Variants in TCN2 observed in about 807,000 individuals in gnomAD.
TCN2 encodes transcobalamin 2, also known as transcobalamin-2.
TCN2 carries 34 observed loss-of-function variants against 48.6 expected under a neutral mutation model. The observed-to-expected ratio is 0.70, with a 90% confidence interval of 0.53 to 0.93. The LOEUF is 0.93. TCN2 is among the 40% of genes least tolerant of loss of function. The probability of loss-of-function intolerance (pLI) is 0.00; values close to 1 mark genes in which losing one functional copy is unlikely to be tolerated. For synonymous variants in TCN2, 283 were observed against 212.5 expected (o/e 1.33, Z -2.89); for missense variants, 652 against 526.1 (o/e 1.24, Z -2.34).
intron 4 of TCN2, among the ~76,000 whole-genome samples, chr22:30,615,030 C>T (rs140553946): frequency 3.3e-5 from 5 of 152,328 alleles, no homozygotes; most frequent in South Asian, 2.1e-4. Context: ...TTCTCCCTAA[C>T]CTCTAGCCCT....
rs2087758614 is a variant in TCN2, at chr22:30,623,965, C to CACACATATGTATACATATAT, written c.1222+887_1222+888insTATGTATACATATATACACA. ...ACACACACATATGTATACATATATACACACACATATATATGTATACATATA... is the reference window on the plus strand; with the variant it reads ...ACACACACATATGTATACATATATACACACATATGTATACATATATACACACATATATATGTATACATATA... On this transcript the variant is annotated intron_variant, in intron 8 of 8. Coordinates refer to ENST00000215838, the MANE Select transcript of TCN2 (RefSeq NM_000355.4). Among the ~76,000 whole-genome samples the CACACATATGTATACATATAT allele has an allele frequency of 4.9e-4, 9 of 18,554 alleles. 4 individuals carry two copies. The highest frequency in any genetic ancestry group is 1.1e-3 in the African/African-American group (2 of 1,784). 12.2% of individuals were successfully genotyped at this position (18,554 alleles called of 152,430 possible).
Position 30,626,522 on chromosome 22 carries a change from C to T in TCN2, c.*1C>T. ...TGAGCTGAGGCTGGTTAGCTGGTAG[C>T]CCCTGAGCTCCCTCATCCCAGCAGC... On this transcript the variant is annotated 3_prime_UTR_variant, in exon 9 of 9. Coordinates refer to ENST00000215838, the MANE Select transcript of TCN2 (RefSeq NM_000355.4). The T allele has an allele frequency of 6.2e-7, 1 of 1,614,038 alleles. No homozygotes were observed. The highest frequency in any genetic ancestry group is 1.1e-5 in the South Asian group (1 of 91,088).
chr22:30,615,191 C>T, intron 4 of TCN2, 110 bp from the exon 5 acceptor site: 1 of 1,198,748 alleles, frequency 8.3e-7, no homozygotes, highest in Non-Finnish European at 1.2e-6. Context: ...CCTTCTTCTC[C>T]AAGCCCTCCT....
At chr22:30,624,080 A>T (rs190673036) in intron 8 of TCN2, among the ~76,000 whole-genome samples, 4,779 of 41,286 alleles carry the variant, frequency 0.12, 1,508 homozygotes, top group East Asian at 0.19. Context: ...ATATATATAT[A>T]TTTTTTTTTT....
intron 3 of TCN2, 24 bp from the exon 4 acceptor site, chr22:30,614,325 C>T: frequency 6.2e-7 from 1 of 1,613,372 alleles, no homozygotes; most frequent in Non-Finnish European, 8.5e-7. Context: ...AGAGAGGCAA[C>T]CCCTCTGTTT....
Position 30,615,465 on chromosome 22 carries a change from G to A in TCN2, c.745G>A (p.Ala249Thr). The A allele has an allele frequency of 6.2e-7, 1 of 1,614,132 alleles. No individual in the cohort carries two copies. Among genetic ancestry groups the A allele is most frequent in the Non-Finnish European group, 8.5e-7 (1 of 1,180,016 alleles). Residue 249 changes from alanine (A) to threonine (T), a missense_variant, in exon 5 of 9, where the codon GCA becomes ACA. Coordinates refer to ENST00000215838, the MANE Select transcript of TCN2 (RefSeq NM_000355.4). ...HFGNVYSTPL[A>T]LQFLMTSPMR... is the part of the protein sequence containing the mutation. ...TGGGAATGTCTACAGCACCCCATTG[G>A]CATTACAGGTGGGAAAGAGACCCTG...
intron 8 of TCN2, among the ~76,000 whole-genome samples, chr22:30,623,983 TAC>T (rs1569047062): frequency 2.2e-4 from 25 of 116,120 alleles, no homozygotes; most frequent in Non-Finnish European, 3.4e-4. Context: ...TATATATGTA[TAC>T]ATATATACAC....
Position 30,607,191 on chromosome 22 carries a change from T to G in TCN2, c.-141T>G. ...ACCCCTCTGCAGACTTAGCCGTGCA[T>G]TGCAGGCATGGAGGATTAATCAGTG... On this transcript the variant is annotated 5_prime_UTR_variant, in exon 1 of 9. Transcript: ENST00000215838. The G allele has an allele frequency of 1.3e-6, 1 of 782,674 alleles. No individual in the cohort carries two copies. 48.5% of individuals were successfully genotyped at this position (782,674 alleles called of 1,614,324 possible).
At chr22:30,614,892 G>A (rs1450443999) in intron 4 of TCN2, among the ~76,000 whole-genome samples, 1 of 152,064 alleles carries the variant, frequency 6.6e-6, no homozygotes. Flanking sequence ...CTGGGCAACA[G>A]AGTGAGTGAG....
chr22:30,617,632 C>G (rs563369701), intron 7 of TCN2, 137 bp downstream of exon 7: 10 of 1,178,834 alleles, frequency 8.5e-6, no homozygotes, highest in African/African-American at 1.5e-5. Flanking sequence ...ACCTGCTCAG[C>G]TCCTTTCTTG....
At chr22:30,618,813 A>T (rs2087654284) in intron 7 of TCN2, among the ~76,000 whole-genome samples, 1 of 152,154 alleles carries the variant, frequency 6.6e-6, no homozygotes, top group Non-Finnish European at 1.5e-5. Context: ...TCTGTCGCCC[A>T]GACTGGGTTG....
intron 6 of TCN2, among the ~76,000 whole-genome samples, chr22:30,616,543 A>G (rs1265805062): frequency 6.6e-6 from 1 of 151,282 alleles, no homozygotes; most frequent in Admixed American, 6.6e-5. Context: ...GCTCGTGCTT[A>G]TAATCCTAGC....
Position 30,623,993 on chromosome 22 carries a change from C to T in TCN2, c.1222+910C>T, listed in dbSNP as rs867795164. On this transcript the variant is annotated intron_variant, in intron 8 of 8. Coordinates refer to ENST00000215838, the MANE Select transcript of TCN2 (RefSeq NM_000355.4). ...ACACATATATATGTATACATATATA[C>T]ACACATATATATGTATACATATATA... Among the ~76,000 whole-genome samples, 2 of 87,406 alleles carry T rather than the reference C, an allele frequency of 2.3e-5. 1 individual carries two copies. The highest frequency in any genetic ancestry group is 1.1e-4 in the African/African-American group (2 of 18,598). 57.3% of individuals were successfully genotyped at this position (87,406 alleles called of 152,430 possible).
chr22:30,618,328 C>T (rs973795341), intron 7 of TCN2, among the ~76,000 whole-genome samples: 1 of 151,308 alleles, frequency 6.6e-6, no homozygotes, highest in Admixed American at 6.6e-5. Context: ...AGGCCCAACT[C>T]GTGTTTGTGT....
intron 7 of TCN2, among the ~76,000 whole-genome samples, chr22:30,622,246 C>CA (rs1370480992): frequency 6.6e-6 from 1 of 152,194 alleles, no homozygotes; most frequent in Non-Finnish European, 1.5e-5. Flanking sequence ...CTTGGCCTCC[C>CA]AAAGTACTGG....
intron 6 of TCN2, among the ~76,000 whole-genome samples, chr22:30,616,108 A>G (rs1484834935): frequency 2.0e-5 from 3 of 152,234 alleles, no homozygotes; most frequent in Non-Finnish European, 4.4e-5. Context: ...CTCTAATACA[A>G]CATGATAAGC....
At chr22:30,611,161 C>G (rs753929236) in intron 2 of TCN2, 98 bp downstream of exon 2, 31 of 1,478,600 alleles carry the variant, frequency 2.1e-5, no homozygotes, top group African/African-American at 6.9e-5. Flanking sequence ...GTGGGCAGAC[C>G]TTAGGCAAAT....
At chr22:30,621,217 T>A (rs1212630203) in intron 7 of TCN2, among the ~76,000 whole-genome samples, 49 of 152,008 alleles carry the variant, frequency 3.2e-4, no homozygotes, top group Non-Finnish European at 5.9e-5. Flanking sequence ...GGTGTCAAAC[T>A]CCCAACCTCA....
At chr22:30,623,564 C>G (rs1602056193) in intron 8 of TCN2, among the ~76,000 whole-genome samples, 1 of 151,600 alleles carries the variant, frequency 6.6e-6, no homozygotes, top group Admixed American at 6.6e-5. Context: ...AATTACTTAA[C>G]TTTTCTTCTA....
Sources: gnomAD v4.1 joint callset for allele counts (sites outside exome capture counted in the v4.1 genomes callset) on GRCh38, gnomAD v4.1.1 for gene constraint, MANE v1.5 for transcripts, NCBI Gene and HGNC (gene_info 2026-07-23, HGNC 2026-07-21) for gene names.